Variants in MPPED2 observed in about 807,000 individuals in gnomAD.
MPPED2 encodes the protein metallophosphoesterase MPPED2.
In MPPED2, 5 loss-of-function variants were observed where a neutral mutation model predicts 33.0. The observed-to-expected ratio is 0.15, with a 90% CI of 0.08 to 0.32. The LOEUF (loss-of-function observed/expected upper bound fraction) is 0.32, where lower values mean the gene tolerates loss of function less well. Among genes scored for constraint, MPPED2 ranks in the 10% least tolerant of loss-of-function variants. The pLI is 1.00. For synonymous variants in MPPED2, 136 were observed against 141.9 expected (o/e 0.96, Z 0.29); for missense variants, 275 against 372.1 (o/e 0.74, Z 2.15).
At chr11:30,402,909 A>G (rs1225420704) in intron 6 of MPPED2, among the ~76,000 whole-genome samples, 1 of 152,194 alleles carries the variant, frequency 6.6e-6, no homozygotes. Flanking sequence ...ACTGCAGCTT[A>G]CGATTAGCTC....
intron 4 of MPPED2, among the ~76,000 whole-genome samples, chr11:30,437,079 A>C (rs530351824): frequency 7.9e-5 from 12 of 152,298 alleles, no homozygotes; most frequent in African/African-American, 2.4e-4. Flanking sequence ...TTAAAACAAC[A>C]ATCAGATTTA....
chr11:30,548,217 T>C (rs1362575078), intron 2 of MPPED2, among the ~76,000 whole-genome samples: 4 of 11,246 alleles, frequency 3.6e-4, no homozygotes, highest in African/African-American at 1.0e-3. Context: ...TAAGTAACTA[T>C]CTTTTTTTTT....
At chr11:30,541,843 T>C (rs1350247348) in intron 2 of MPPED2, among the ~76,000 whole-genome samples, 1 of 152,174 alleles carries the variant, frequency 6.6e-6, no homozygotes, top group Non-Finnish European at 1.5e-5. Flanking sequence ...CCACCTGCCT[T>C]GGCCTCCCAA....
intron 4 of MPPED2, among the ~76,000 whole-genome samples, chr11:30,429,525 G>A (rs1487637300): frequency 6.6e-6 from 1 of 152,154 alleles, no homozygotes; most frequent in East Asian, 1.9e-4. Flanking sequence ...TCAATTCAGA[G>A]GTTAAAGCAA....
intron 3 of MPPED2, among the ~76,000 whole-genome samples, chr11:30,528,866 T>C (rs1722673878): frequency 6.6e-6 from 1 of 152,140 alleles, no homozygotes; most frequent in South Asian, 2.1e-4. Context: ...CATGGAGAAA[T>C]TGCAATCTTT....
chr11:30,540,521 T>G (rs560826438), intron 2 of MPPED2, among the ~76,000 whole-genome samples: 1 of 152,238 alleles, frequency 6.6e-6, no homozygotes, highest in South Asian at 2.1e-4. Flanking sequence ...TAAATGTTAG[T>G]ATTTTTTTTT....
chr11:30,545,603 G>A (rs919932293), intron 2 of MPPED2, among the ~76,000 whole-genome samples: 11 of 152,116 alleles, frequency 7.2e-5, no homozygotes, highest in Admixed American at 7.2e-4. Context: ...GCACTGTACA[G>A]GGCACTTTAC....
At chr11:30,577,111 T>C (rs1956964227) in intron 2 of MPPED2, among the ~76,000 whole-genome samples, 1 of 152,222 alleles carries the variant, frequency 6.6e-6, no homozygotes, top group Non-Finnish European at 1.5e-5. Flanking sequence ...TTGTCTTAAC[T>C]GCAATCTTAA....
chr11:30,469,628 G>C (rs1004116109), intron 4 of MPPED2, among the ~76,000 whole-genome samples: 1 of 152,174 alleles, frequency 6.6e-6, no homozygotes, highest in Admixed American at 6.5e-5. Flanking sequence ...AGGTACTCAA[G>C]GAGCAGGTAG....
chr11:30,528,235 T>C (rs1366881382), intron 3 of MPPED2, among the ~76,000 whole-genome samples: 3 of 152,164 alleles, frequency 2.0e-5, no homozygotes, highest in East Asian at 3.9e-4. Context: ...TTGGCAATTT[T>C]AATTTTTTTC....
At chr11:30,556,782 ATTT>A (rs1329032538) in intron 2 of MPPED2, among the ~76,000 whole-genome samples, 1 of 152,198 alleles carries the variant, frequency 6.6e-6, no homozygotes, top group Non-Finnish European at 1.5e-5. Flanking sequence ...TAGCCATATT[ATTT>A]ATTATCATTA....
Position 30,401,900 on chromosome 11 carries a change from T to C in MPPED2, c.766+12328A>G, listed in dbSNP as rs370141694. 3.1e-3 allele frequency among the ~76,000 whole-genome samples: 470 copies of C among 149,984 alleles called. 4 individuals are homozygous for C. Among genetic ancestry groups the C allele is most frequent in the African/African-American group, 0.011 (450 of 41,340 alleles). On this transcript the variant is annotated intron_variant, in intron 6 of 6. Transcript: ENST00000448418. ...TTTTAGTAGAGACAGGGTTTCACCG[T>C]GTTAGCCAGGATGGTCTCGATCTCC...
chr11:30,489,391 A>G (rs1951876106), intron 4 of MPPED2, among the ~76,000 whole-genome samples: 1 of 152,276 alleles, frequency 6.6e-6, no homozygotes, highest in African/African-American at 2.4e-5. Context: ...GAAATGCTGC[A>G]GAGAGTGAAA....
At chr11:30,390,962 A>T (rs1368854794) in intron 6 of MPPED2, among the ~76,000 whole-genome samples, 1 of 152,140 alleles carries the variant, frequency 6.6e-6, no homozygotes. Flanking sequence ...AAGTCACACC[A>T]CCAGCCCAGA....
intron 2 of MPPED2, among the ~76,000 whole-genome samples, chr11:30,541,875 AG>A (rs779528178): frequency 4.0e-4 from 61 of 152,334 alleles, no homozygotes; most frequent in Admixed American, 8.5e-4. Flanking sequence ...TACAGGAGTG[AG>A]CCACGGTGCC....
chr11:30,471,962 A>C (rs1488365228), intron 4 of MPPED2, among the ~76,000 whole-genome samples: 1 of 152,096 alleles, frequency 6.6e-6, no homozygotes, highest in African/African-American at 2.4e-5. Context: ...CAAAAAAAAA[A>C]CATTTTTCAG....
At chr11:30,428,655 G>T (rs1275975628) in intron 4 of MPPED2, among the ~76,000 whole-genome samples, 2 of 152,192 alleles carry the variant, frequency 1.3e-5, no homozygotes, top group Non-Finnish European at 2.9e-5. Context: ...TCAAATTCCA[G>T]CTGCTTTCTA....
intron 4 of MPPED2, among the ~76,000 whole-genome samples, chr11:30,432,649 C>T (rs1308011403): frequency 1.3e-5 from 2 of 152,110 alleles, no homozygotes; most frequent in Non-Finnish European, 2.9e-5. Flanking sequence ...ATGAATACAA[C>T]TTAGTGATGC....
intron 4 of MPPED2, among the ~76,000 whole-genome samples, chr11:30,493,413 C>G (rs529800220): frequency 2.6e-4 from 39 of 151,090 alleles, no homozygotes; most frequent in African/African-American, 8.3e-4. Flanking sequence ...TTTTAACTTA[C>G]AGAGGACAAG....
Sources: allele counts gnomAD v4.1 joint callset (sites outside exome capture counted in the v4.1 genomes callset), GRCh38; gene constraint gnomAD v4.1.1; transcripts MANE v1.5; gene names NCBI Gene and HGNC (gene_info 2026-07-23, HGNC 2026-07-21).